NUBPL: variants seen among roughly 807,000 people sequenced by gnomAD.
NUBPL encodes NUBP iron-sulfur cluster assembly factor, mitochondrial, also known as iron-sulfur cluster transfer protein NUBPL.
Under a neutral mutation model 45.7 loss-of-function variants are expected in NUBPL, and 31 were observed. That is an observed-to-expected ratio of 0.68 (90% confidence interval 0.51 to 0.92). The LOEUF is 0.92. Among genes scored for constraint, NUBPL ranks in the 40% least tolerant of loss-of-function variants. The pLI is 0.00. For synonymous variants in NUBPL, 144 were observed against 140.9 expected (o/e 1.02, Z -0.15); for missense variants, 401 against 398.7 (o/e 1.01, Z -0.05).
intron 8 of NUBPL, among the ~76,000 whole-genome samples, chr14:31,837,095 G>A (rs946335997): frequency 6.6e-6 from 1 of 152,158 alleles, no homozygotes; most frequent in Non-Finnish European, 1.5e-5. Flanking sequence ...GCTGAGGTGG[G>A]AGGATTGCTT....
At chr14:31,762,773 C>T (rs1031053525) in intron 6 of NUBPL, among the ~76,000 whole-genome samples, 9 of 137,566 alleles carry the variant, frequency 6.5e-5, no homozygotes, top group Admixed American at 4.3e-4. Context: ...GGCAAGAATA[C>T]CAGTTAGTCT....
rs575918523 is a variant in NUBPL at position 31,627,738 on chromosome 14, C to G, written c.382+28359C>G. Among the ~76,000 whole-genome samples, 12 of 147,128 alleles carry G rather than the reference C, an allele frequency of 8.2e-5. No individual in the cohort carries two copies. The South Asian group carries it at 2.6e-3, about 32-fold the overall frequency. On this transcript the variant is annotated intron_variant, in intron 4 of 10. Transcript: ENST00000281081. The stretch of plus-strand genomic sequence containing the variant: ...CTGAGATCGTGCCACTGCACTCCAG[C>G]CTGGGTGACAGAGTGAGACTCTGTC...
chr14:31,740,262 C>T (rs1338675867), intron 6 of NUBPL, among the ~76,000 whole-genome samples: 4 of 152,068 alleles, frequency 2.6e-5, no homozygotes, highest in Non-Finnish European at 5.9e-5. Flanking sequence ...AATTTGCATC[C>T]CCACCAGCAA....
At chr14:31,636,324 C>T (rs1416152784) in intron 4 of NUBPL, among the ~76,000 whole-genome samples, 1 of 150,954 alleles carries the variant, frequency 6.6e-6, no homozygotes, top group African/African-American at 2.4e-5. Flanking sequence ...TTGTCAAAGG[C>T]CTTTTCTGCA....
At chr14:31,562,592 CTTT>C (rs202057208) in intron 2 of NUBPL, among the ~76,000 whole-genome samples, 2 of 104,406 alleles carry the variant, frequency 1.9e-5, no homozygotes, top group East Asian at 5.3e-4. Flanking sequence ...CATCTAGTAA[CTTT>C]TTTTTTTTGT....
chr14:31,660,573 A>G (rs2036245725), intron 4 of NUBPL, among the ~76,000 whole-genome samples: 1 of 152,032 alleles, frequency 6.6e-6, no homozygotes, highest in Non-Finnish European at 1.5e-5. Context: ...AAAAATAAAT[A>G]TTTTTTCTTT....
intron 4 of NUBPL, among the ~76,000 whole-genome samples, chr14:31,603,299 G>GAAAAAAAAAAAAAAAAA (rs529470069): frequency 5.3e-5 from 3 of 57,072 alleles, no homozygotes; most frequent in African/African-American, 1.9e-4. Context: ...GATCCTGTCT[G>GAAAAAAAAAAAAAAAAA]AAAAAAAAAA....
At chr14:31,586,549 T>C (rs1047765800) in intron 3 of NUBPL, among the ~76,000 whole-genome samples, 9 of 152,190 alleles carry the variant, frequency 5.9e-5, no homozygotes, top group Non-Finnish European at 1.2e-4. Flanking sequence ...GCTTAATTCT[T>C]ATGGTCACAA....
intron 6 of NUBPL, among the ~76,000 whole-genome samples, chr14:31,740,666 C>T (rs1484348056): frequency 6.6e-6 from 1 of 152,126 alleles, no homozygotes; most frequent in East Asian, 1.9e-4. Flanking sequence ...TGAGGTCTAG[C>T]TTATCAATAC....
At chr14:31,668,944 T>C (rs1484143717) in intron 4 of NUBPL, among the ~76,000 whole-genome samples, 2 of 152,214 alleles carry the variant, frequency 1.3e-5, no homozygotes, top group African/African-American at 4.8e-5. Flanking sequence ...GCCTTCTGCA[T>C]TGGTCTCGCT....
At chr14:31,734,215 G>C (rs11156703) in intron 6 of NUBPL, among the ~76,000 whole-genome samples, 69,435 of 151,948 alleles carry the variant, frequency 0.46, 17,002 homozygotes, top group African/African-American at 0.65. Flanking sequence ...TCACATAAAA[G>C]GCTTCAGAAT....
chr14:31,707,647 G>C (rs1595524713), intron 6 of NUBPL, among the ~76,000 whole-genome samples: 1 of 152,070 alleles, frequency 6.6e-6, no homozygotes, highest in East Asian at 1.9e-4. Context: ...AGTATAGGCT[G>C]TATATGTTCC....
At chr14:31,820,847 G>A (rs558547371) in intron 7 of NUBPL, among the ~76,000 whole-genome samples, 19 of 147,206 alleles carry the variant, frequency 1.3e-4, no homozygotes, top group African/African-American at 3.3e-4. Context: ...AAGGCCCAGC[G>A]CATTGTCTGG....
chr14:31,760,144 T>TGTGTGTGTGTGTGTGA, intron 6 of NUBPL, among the ~76,000 whole-genome samples: 379 of 34,838 alleles, frequency 0.011, 32 homozygotes, highest in Admixed American at 0.087. Flanking sequence ...TGTGTGTGTG[T>TGTGTGTGTGTGTGTGA]GAGAGAGAGA....
At chr14:31,638,279 G>A (rs2139685954) in intron 4 of NUBPL, among the ~76,000 whole-genome samples, 1 of 151,750 alleles carries the variant, frequency 6.6e-6, no homozygotes, top group Admixed American at 6.6e-5. Flanking sequence ...TTTAGGGCAG[G>A]CCTGGTGGTG....
At chr14:31,848,154 A>G (rs1227210078) in intron 9 of NUBPL, among the ~76,000 whole-genome samples, 1 of 152,240 alleles carries the variant, frequency 6.6e-6, no homozygotes, top group African/African-American at 2.4e-5. Context: ...AACACTGACT[A>G]CTGATCACAA....
At chr14:31,722,662 T>G (rs1370903018) in intron 6 of NUBPL, among the ~76,000 whole-genome samples, 1 of 152,222 alleles carries the variant, frequency 6.6e-6, no homozygotes, top group Non-Finnish European at 1.5e-5. Context: ...TCATTGTGGT[T>G]TTGATTTGCA....
chr14:31,576,868 G>T (rs1386021349), intron 3 of NUBPL, among the ~76,000 whole-genome samples: 1 of 152,204 alleles, frequency 6.6e-6, no homozygotes. Context: ...CTTAGTTCAG[G>T]TAGGATTGTT....
chr14:31,822,330 A>C (rs2138952595), intron 7 of NUBPL, among the ~76,000 whole-genome samples: 1 of 152,260 alleles, frequency 6.6e-6, no homozygotes, highest in Non-Finnish European at 1.5e-5. Flanking sequence ...TGTACTCACA[A>C]AAATTAAAAT....
Sources: allele counts gnomAD v4.1 joint callset (sites outside exome capture counted in the v4.1 genomes callset), GRCh38; gene constraint gnomAD v4.1.1; transcripts MANE v1.5; gene names NCBI Gene and HGNC (gene_info 2026-07-23, HGNC 2026-07-21).